The following CPQ variants were observed in gnomAD, a reference collection of about 807,000 sequenced individuals.
The protein encoded by CPQ is carboxypeptidase Q, also known as Ser-Met dipeptidase.
A neutral mutation model predicts 45.7 loss-of-function variants in CPQ; 37 were observed. That is an observed-to-expected ratio of 0.81 (90% CI 0.62 to 1.07). The LOEUF (loss-of-function observed/expected upper bound fraction) is 1.07. Ranked by LOEUF, CPQ falls within the 50% of genes least tolerant of loss-of-function variation. The probability of loss-of-function intolerance (pLI) is 0.00; values close to 1 mark genes in which losing one functional copy is unlikely to be tolerated. For synonymous variants in CPQ, 186 were observed against 205.8 expected, an observed-to-expected ratio of 0.90 and a Z score of 0.82; for missense variants, 537 against 572.9, an observed-to-expected ratio of 0.94 and a Z score of 0.64.
intron 1 of CPQ, among the ~76,000 whole-genome samples, chr8:96,648,236 C>T (rs1159454577): frequency 1.3e-5 from 2 of 152,188 alleles, no homozygotes; most frequent in Non-Finnish European, 2.9e-5. Flanking sequence ...TGATTTAGCT[C>T]AGGAGGCTGA....
chr8:97,033,155 T>C (rs1467063147), intron 6 of CPQ, among the ~76,000 whole-genome samples: 2 of 151,576 alleles, frequency 1.3e-5, no homozygotes, highest in African/African-American at 2.4e-5. Context: ...ACAGAACTTT[T>C]ATGGCGGGGG....
intron 7 of CPQ, among the ~76,000 whole-genome samples, chr8:97,087,227 G>GAATT (rs1159977963): frequency 6.6e-6 from 1 of 152,146 alleles, no homozygotes; most frequent in South Asian, 2.1e-4. Flanking sequence ...AAAGACTGGG[G>GAATT]AATTAGGTGA....
chr8:96,790,098 T>C (rs1810827134), intron 2 of CPQ, among the ~76,000 whole-genome samples: 1 of 152,134 alleles, frequency 6.6e-6, no homozygotes, highest in South Asian at 2.1e-4. Flanking sequence ...CACCAAGCTC[T>C]CCATTATTTT....
At chr8:96,934,479 C>A (rs1471665244) in intron 4 of CPQ, among the ~76,000 whole-genome samples, 1 of 152,150 alleles carries the variant, frequency 6.6e-6, no homozygotes, top group Non-Finnish European at 1.5e-5. Flanking sequence ...ACCTCTGGGG[C>A]AGCCTTACTC....
intron 6 of CPQ, among the ~76,000 whole-genome samples, chr8:97,043,196 A>G (rs929656073): frequency 2.0e-5 from 3 of 152,132 alleles, no homozygotes; most frequent in Admixed American, 1.3e-4. Flanking sequence ...TATATTTAGG[A>G]TAGTTAGCTC....
chr8:97,065,336 C>T (rs1046353637), intron 6 of CPQ, among the ~76,000 whole-genome samples: 4 of 152,182 alleles, frequency 2.6e-5, no homozygotes, highest in Non-Finnish European at 4.4e-5. Flanking sequence ...TCTTACCAGA[C>T]TTTATTTGGA....
At position 97,029,433 on chromosome 8, in the gene CPQ, T is replaced by A. The variant is rs199907829; in HGVS notation, c.992T>A (p.Val331Glu). Residue 331 changes from valine to glutamate, a missense_variant, in exon 6 of 8, where the codon GTG (valine) becomes GAG (glutamate). Val to Glu is a moderately radical substitution (Grantham distance 121, BLOSUM62 -2). Coordinates refer to ENST00000220763, the MANE Select transcript of CPQ (RefSeq NM_016134.4). ...GLRPKRTLRL[V>E]LWTAEEQGGV... is the part of the protein sequence containing the mutation. Reference sequence around the variant, plus strand: ...CGTCCAAAGAGGACTCTGCGGCTGGTGCTCTGGACTGCAGAAGAACAAGGT... The same window carrying A: ...CGTCCAAAGAGGACTCTGCGGCTGGAGCTCTGGACTGCAGAAGAACAAGGT... The A allele has an allele frequency of 1.0e-5, 16 of 1,605,292 alleles. No individual in the cohort carries two copies. The Middle Eastern group carries it at 1.5e-3, about 150-fold the overall frequency.
chr8:96,780,613 A>AT (rs1810673065), intron 1 of CPQ, among the ~76,000 whole-genome samples: 1 of 152,192 alleles, frequency 6.6e-6, no homozygotes, highest in Non-Finnish European at 1.5e-5. Flanking sequence ...AACTTAAGTC[A>AT]TTAAAATCAA....
intron 2 of CPQ, among the ~76,000 whole-genome samples, chr8:96,798,447 C>A (rs1268481671): frequency 1.3e-5 from 2 of 152,108 alleles, no homozygotes; most frequent in Non-Finnish European, 2.9e-5. Context: ...CCCTAGACCT[C>A]ATCTTAAAGA....
rs191663931 is a variant in CPQ, at chr8:96,842,470, G to C, written c.641+7290G>C. ...TTAACTCACTCTGAAGCTCATAACA[G>C]ATGCACAGTAATCAAGCAGAATGCC... On this transcript the variant is annotated intron_variant, in intron 3 of 7. Transcript: ENST00000220763. Among the ~76,000 whole-genome samples, 205 of 152,258 alleles carry C rather than the reference G, an allele frequency of 1.3e-3. 2 individuals are homozygous for C. Among genetic ancestry groups the C allele is most frequent in the Admixed American group, 9.8e-3 (150 of 15,290 alleles).
chr8:96,939,269 T>C (rs1813093803), intron 4 of CPQ, among the ~76,000 whole-genome samples: 1 of 152,134 alleles, frequency 6.6e-6, no homozygotes, highest in South Asian at 2.1e-4. Flanking sequence ...ACAATAGGGT[T>C]TGGGTTTCTA....
intron 1 of CPQ, among the ~76,000 whole-genome samples, chr8:96,766,422 T>C (rs772020345): frequency 1.3e-5 from 2 of 152,170 alleles, no homozygotes; most frequent in Admixed American, 1.3e-4. Context: ...ATGTCTTTCA[T>C]GTGCTTCTGT....
chr8:96,676,922 C>A (rs762292750), intron 1 of CPQ, among the ~76,000 whole-genome samples: 1 of 151,956 alleles, frequency 6.6e-6, no homozygotes, highest in Non-Finnish European at 1.5e-5. Flanking sequence ...TGAGGACATA[C>A]AATACTGGTT....
chr8:96,858,938 A>G (rs1811891807), intron 3 of CPQ, among the ~76,000 whole-genome samples: 1 of 152,120 alleles, frequency 6.6e-6, no homozygotes, highest in Non-Finnish European at 1.5e-5. Flanking sequence ...GCTTTTTTCT[A>G]ACAACTCAGC....
chr8:96,994,853 C>G (rs1469698122), intron 5 of CPQ, among the ~76,000 whole-genome samples: 1 of 151,978 alleles, frequency 6.6e-6, no homozygotes, highest in Non-Finnish European at 1.5e-5. Flanking sequence ...TACTTTATTT[C>G]ATCAAAAAAC....
chr8:96,998,883 C>A (rs1309150665), intron 5 of CPQ, among the ~76,000 whole-genome samples: 2 of 151,932 alleles, frequency 1.3e-5, no homozygotes, highest in Non-Finnish European at 2.9e-5. Flanking sequence ...CAAAAAACTG[C>A]CTTTGTTAAA....
At chr8:97,139,344 A>G (rs1235034284) in intron 7 of CPQ, among the ~76,000 whole-genome samples, 1 of 152,190 alleles carries the variant, frequency 6.6e-6, no homozygotes, top group Non-Finnish European at 1.5e-5. Flanking sequence ...CTCTCTCAAA[A>G]TTGATGGGTC....
chr8:96,705,788 A>G (rs966569611), intron 1 of CPQ, among the ~76,000 whole-genome samples: 2 of 152,138 alleles, frequency 1.3e-5, no homozygotes, highest in Non-Finnish European at 1.5e-5. Context: ...GGCATGTTTC[A>G]TAATTATAGG....
At position 96,966,029 on chromosome 8, in the gene CPQ, C is replaced by T; in HGVS notation, c.944C>T (p.Ser315Leu). Residue 315 changes from serine to leucine, a missense_variant, in exon 5 of 8, where the codon TCA becomes TTA. Ser to Leu is a moderately radical substitution (Grantham distance 145). Transcript: ENST00000220763. ...GGAFISWEAL[S>L]LIKDLGLRPK... ...GCCTTTATATCATGGGAAGCACTCT[C>T]ACTTATTAAAGATCTTGGTAAATAT... The T allele has an allele frequency of 6.2e-7, 1 of 1,611,682 alleles. No individual in the cohort carries two copies. The highest frequency in any genetic ancestry group is 8.5e-7 in the Non-Finnish European group (1 of 1,178,612).
Sources: allele counts gnomAD v4.1 joint callset (sites outside exome capture counted in the v4.1 genomes callset), GRCh38; gene constraint gnomAD v4.1.1; transcripts MANE v1.5; gene names NCBI Gene and HGNC (gene_info 2026-07-23, HGNC 2026-07-21).